The following PCDH7 variants were observed in gnomAD, a reference collection of about 807,000 sequenced individuals.
The protein encoded by PCDH7 is protocadherin-7.
Under a neutral mutation model 58.9 loss-of-function variants are expected in PCDH7, and 17 were observed. That is an observed-to-expected ratio of 0.29 (90% confidence interval 0.20 to 0.43). The LOEUF (loss-of-function observed/expected upper bound fraction) is 0.43, where lower values mean the gene tolerates loss of function less well. Ranked by LOEUF, PCDH7 falls within the 20% of genes least tolerant of loss-of-function variation. The pLI is 1.00. For synonymous variants in PCDH7, 664 were observed against 616.4 expected (o/e 1.08, Z -1.14); for missense variants, 1,274 against 1,441.0 (o/e 0.88, Z 1.88).
chr4:31,114,343 G>T (rs1716724773), intron 3 of PCDH7, among the ~76,000 whole-genome samples: 1 of 151,948 alleles, frequency 6.6e-6, no homozygotes, highest in African/African-American at 2.4e-5. Flanking sequence ...AAAATATCCA[G>T]AATCCATTAT....
At chr4:30,724,965 C>T in intron 1 of PCDH7, 1 of 1,033,868 alleles carries the variant, frequency 9.7e-7, no homozygotes, top group Non-Finnish European at 1.2e-6. Flanking sequence ...TCTGTGGCAA[C>T]TAAGTGGATA....
downstream of PCDH7, chr4:31,143,052 C>T (rs1372565157): frequency 7.1e-6 from 2 of 281,514 alleles, no homozygotes; most frequent in Non-Finnish European, 1.4e-5. Context: ...ATCCTTGTTA[C>T]TTGCATGTCT....
At chr4:31,066,682 G>T (rs970149035) in intron 3 of PCDH7, among the ~76,000 whole-genome samples, 1 of 151,686 alleles carries the variant, frequency 6.6e-6, no homozygotes, top group Non-Finnish European at 1.5e-5. Flanking sequence ...TTTAAATAGG[G>T]TTTAATATAT....
intron 3 of PCDH7, among the ~76,000 whole-genome samples, chr4:31,105,429 CA>C (rs1436860515): frequency 6.6e-6 from 1 of 152,098 alleles, no homozygotes; most frequent in Non-Finnish European, 1.5e-5. Context: ...CTAGAAACCA[CA>C]TACATATGTA....
chr4:30,968,233 C>T (rs1336729139), intron 3 of PCDH7, among the ~76,000 whole-genome samples: 5 of 148,132 alleles, frequency 3.4e-5, no homozygotes, highest in Admixed American at 6.7e-5. Flanking sequence ...CCTCACCCTA[C>T]ACAAATTCAA....
intron 3 of PCDH7, among the ~76,000 whole-genome samples, chr4:30,988,122 AG>A (rs1440973881): frequency 6.6e-6 from 1 of 152,194 alleles, no homozygotes; most frequent in Non-Finnish European, 1.5e-5. Flanking sequence ...TGTTTTATTC[AG>A]TTTGGCCATC....
chr4:30,754,924 C>A (rs1056207523), intron 1 of PCDH7, among the ~76,000 whole-genome samples: 1 of 152,156 alleles, frequency 6.6e-6, no homozygotes, highest in Non-Finnish European at 1.5e-5. Flanking sequence ...ATCTATTATA[C>A]GCCAGACTCC....
chr4:31,052,990 G>A (rs887280930), intron 3 of PCDH7, among the ~76,000 whole-genome samples: 3 of 151,774 alleles, frequency 2.0e-5, no homozygotes, highest in Non-Finnish European at 2.9e-5. Context: ...TATTCGTCAC[G>A]AGTCAAATTA....
At chr4:30,928,832 C>G (rs1186777805) in intron 2 of PCDH7, among the ~76,000 whole-genome samples, 1 of 151,996 alleles carries the variant, frequency 6.6e-6, no homozygotes, top group African/African-American at 2.4e-5. Context: ...CATTTGAAGC[C>G]AAATAAATTC....
chr4:30,810,367 T>C (rs1726813770), intron 1 of PCDH7, among the ~76,000 whole-genome samples: 2 of 152,124 alleles, frequency 1.3e-5, no homozygotes, highest in Non-Finnish European at 2.9e-5. Flanking sequence ...AGTAGACATA[T>C]AGCAATATGA....
At chr4:30,919,103 CTGAGTTA>C (rs1452943562) in intron 1 of PCDH7, among the ~76,000 whole-genome samples, 2 of 152,078 alleles carry the variant, frequency 1.3e-5, no homozygotes, top group Non-Finnish European at 2.9e-5. Context: ...AAGAAACAGT[CTGAGTTA>C]TAAGTTTAAA....
intron 1 of PCDH7, among the ~76,000 whole-genome samples, chr4:30,851,706 G>C (rs937776115): frequency 6.6e-6 from 1 of 151,998 alleles, no homozygotes; most frequent in Non-Finnish European, 1.5e-5. Context: ...GAAACTGAGT[G>C]TAGTAACCAC....
chr4:30,810,209 ATAGACTAT>A (rs1726794089), intron 1 of PCDH7, among the ~76,000 whole-genome samples: 1 of 152,170 alleles, frequency 6.6e-6, no homozygotes, highest in Admixed American at 6.5e-5. Context: ...GTATAATATA[ATAGACTAT>A]CTGTCTCACT....
At chr4:30,994,763 C>T (rs1751731792) in intron 3 of PCDH7, among the ~76,000 whole-genome samples, 2 of 152,094 alleles carry the variant, frequency 1.3e-5, no homozygotes. Flanking sequence ...AAAAAAGATA[C>T]AATATTAAAC....
intron 1 of PCDH7, among the ~76,000 whole-genome samples, chr4:30,839,434 A>G (rs1386020523): frequency 1.3e-5 from 2 of 152,138 alleles, no homozygotes; most frequent in Non-Finnish European, 2.9e-5. Flanking sequence ...TGTCTGGCTC[A>G]TGGAAATAAT....
At chr4:30,872,829 C>T (rs1215771845) in intron 1 of PCDH7, among the ~76,000 whole-genome samples, 1 of 151,992 alleles carries the variant, frequency 6.6e-6, no homozygotes, top group African/African-American at 2.4e-5. Flanking sequence ...CATTTTTTCT[C>T]ATCATTTAAA....
chr4:30,744,888 C>T (rs188667158), intron 1 of PCDH7, among the ~76,000 whole-genome samples: 8 of 152,342 alleles, frequency 5.3e-5, no homozygotes, highest in African/African-American at 1.9e-4. Flanking sequence ...ATTAGCTTCA[C>T]TGTATTTTAG....
Position 31,131,560 on chromosome 4 carries a change from A to G in PCDH7, c.*8-10913A>G, listed in dbSNP as rs182511728. 4.8e-3 allele frequency among the ~76,000 whole-genome samples: 729 copies of G among 152,274 alleles called. 20 individuals carry two copies. The highest frequency in any genetic ancestry group is 0.044 in the Admixed American group (669 of 15,288). On this transcript the variant is annotated intron_variant, in intron 3 of 3. Coordinates refer to the PCDH7 transcript ENST00000509759. ...TTTTCAGCTCCTAACAAAAGCTCCC[A>G]GATCTTCATCCCTTAACAGTATTTC...
In PCDH7 at chr4:30,765,125, C is replaced by CTTTTTT. The variant is rs10692198; in HGVS notation, c.70+40550_70+40555dup. Reference sequence around the variant, plus strand: ...GGAAAGAGAGATAGGACTTCAGATGCTTTTTTTTTTTTTTTTTTTTTTTTT... The same window carrying CTTTTTT: ...GGAAAGAGAGATAGGACTTCAGATGCTTTTTTTTTTTTTTTTTTTTTTTTTTTTTTT... On this transcript the variant is annotated intron_variant, in intron 1 of 3. Coordinates refer to the PCDH7 transcript ENST00000509759. Among the ~76,000 whole-genome samples, 25 of 49,198 alleles carry CTTTTTT rather than the reference C, an allele frequency of 5.1e-4. 3 individuals are homozygous for CTTTTTT. The highest frequency in any genetic ancestry group is 1.7e-3 in the African/African-American group (22 of 13,260). The allele number at this position is 49,198 out of a possible 152,430, so 32.3% of individuals were successfully genotyped here. A position where few individuals can be genotyped will look rare whatever the true frequency, so the allele number is the denominator to read the frequency against.
Sources: gnomAD v4.1 joint callset for allele counts (sites outside exome capture counted in the v4.1 genomes callset) on GRCh38, gnomAD v4.1.1 for gene constraint, MANE v1.5 for transcripts, NCBI Gene and HGNC (gene_info 2026-07-23, HGNC 2026-07-21) for gene names.